SEMA3A: variants seen among roughly 807,000 people sequenced by gnomAD.
SEMA3A encodes the protein semaphorin 3A.
SEMA3A carries 29 observed loss-of-function variants against 97.9 expected under a neutral mutation model. That is an observed-to-expected ratio of 0.30 (90% CI 0.22 to 0.40). The LOEUF is 0.40. Ranked by LOEUF, SEMA3A falls within the 10% of genes least tolerant of loss-of-function variation. The pLI, the probability that SEMA3A is intolerant of heterozygous loss-of-function variation, is 1.00. For synonymous variants in SEMA3A, 321 were observed against 323.7 expected (o/e 0.99, Z 0.09); for missense variants, 763 against 951.3 (o/e 0.80, Z 2.60).
chr7:84,021,949 C>A (rs893712833), intron 6 of SEMA3A, among the ~76,000 whole-genome samples: 1 of 151,980 alleles, frequency 6.6e-6, no homozygotes, highest in Non-Finnish European at 1.5e-5. Context: ...AGATATTATA[C>A]AATGGCAGGT....
intron 1 of SEMA3A, among the ~76,000 whole-genome samples, chr7:84,186,745 A>G (rs1363038314): frequency 2.6e-5 from 4 of 151,412 alleles, no homozygotes; most frequent in Non-Finnish European, 4.4e-5. Context: ...TGTCACAATA[A>G]CTACATATTT....
At chr7:83,990,649 G>A (rs889467541) in intron 12 of SEMA3A, among the ~76,000 whole-genome samples, 2 of 145,288 alleles carry the variant, frequency 1.4e-5, no homozygotes, top group African/African-American at 5.1e-5. Flanking sequence ...CTCTATTTCT[G>A]AGGGCTCTGT....
rs17159050 is a variant in SEMA3A at position 84,465,249 on chromosome 7, C to T, written c.-246+27211G>A. Among the ~76,000 whole-genome samples, 2,115 of 152,222 alleles carry T rather than the reference C, an allele frequency of 0.014. 94 individuals carry two copies. The East Asian group carries it at 0.16, about 11-fold the overall frequency. On this transcript the variant is annotated intron_variant, in intron 1 of 3. Coordinates refer to the SEMA3A transcript ENST00000424555. Reference sequence around the variant, plus strand: ...AGTCCTAAATATTCTGTGGGAATAGCAGGATCTTCAAACTGGATAAGGATT... The same window carrying T: ...AGTCCTAAATATTCTGTGGGAATAGTAGGATCTTCAAACTGGATAAGGATT...
chr7:84,293,068 C>A (rs888888272), intron 3 of SEMA3A, among the ~76,000 whole-genome samples: 1 of 151,950 alleles, frequency 6.6e-6, no homozygotes, highest in African/African-American at 2.4e-5. Flanking sequence ...GGACAAAGCA[C>A]TAGTTATAAA....
intron 1 of SEMA3A, among the ~76,000 whole-genome samples, chr7:84,399,026 G>A (rs991603135): frequency 1.3e-5 from 2 of 152,050 alleles, no homozygotes; most frequent in African/African-American, 4.8e-5. Flanking sequence ...AAGAAAATAT[G>A]CATTGAATAG....
At chr7:84,024,285 A>AGCC (rs1791458477) in intron 6 of SEMA3A, among the ~76,000 whole-genome samples, 1 of 152,170 alleles carries the variant, frequency 6.6e-6, no homozygotes, top group Non-Finnish European at 1.5e-5. Context: ...CACGCCTGTA[A>AGCC]TCCCGGCACC....
intron 15 of SEMA3A, among the ~76,000 whole-genome samples, chr7:83,963,873 A>C (rs1788574101): frequency 6.6e-6 from 1 of 152,226 alleles, no homozygotes; most frequent in Non-Finnish European, 1.5e-5. Flanking sequence ...GGTAGAGTGC[A>C]GGAAGTTTAT....
intron 3 of SEMA3A, among the ~76,000 whole-genome samples, chr7:84,126,011 A>T (rs1188927554): frequency 2.0e-5 from 3 of 152,210 alleles, no homozygotes; most frequent in Non-Finnish European, 4.4e-5. Flanking sequence ...CAGTGGTCAT[A>T]ACCATTAAGG....
At chr7:84,154,399 C>T (rs192764413) in intron 1 of SEMA3A, among the ~76,000 whole-genome samples, 128 of 152,098 alleles carry the variant, frequency 8.4e-4, no homozygotes, top group African/African-American at 2.8e-3. Flanking sequence ...GTGATGACGC[C>T]GGGTACGATG....
chr7:84,151,455 G>A (rs975384671), intron 1 of SEMA3A, among the ~76,000 whole-genome samples: 3 of 151,856 alleles, frequency 2.0e-5, no homozygotes, highest in African/African-American at 7.3e-5. Context: ...AGAAGCCTCA[G>A]GAGCCGATGC....
intron 3 of SEMA3A, among the ~76,000 whole-genome samples, chr7:84,240,471 G>A (rs1440407773): frequency 6.6e-6 from 1 of 152,194 alleles, no homozygotes; most frequent in Non-Finnish European, 1.5e-5. Flanking sequence ...GAAGATGGAA[G>A]TAGAAAGAAA....
rs546490158 is a variant in SEMA3A, at chr7:84,052,842, G to T, written c.548-6399C>A. On this transcript the variant is annotated intron_variant, in intron 5 of 16. Coordinates refer to ENST00000265362, the MANE Select transcript of SEMA3A (RefSeq NM_006080.3). Reference sequence around the variant, plus strand: ...TTGGATCTTTCCTGCTTTCTCTTGTGGGCATTTAGTGCTATAAATTTCCCT... The same window carrying T: ...TTGGATCTTTCCTGCTTTCTCTTGTTGGCATTTAGTGCTATAAATTTCCCT... 4.6e-5 allele frequency among the ~76,000 whole-genome samples: 7 copies of T among 150,788 alleles called. 1 individual carries two copies. In the South Asian group the frequency reaches 1.5e-3, roughly 32 times the overall value.
chr7:84,153,905 A>C (rs946173060), intron 1 of SEMA3A, among the ~76,000 whole-genome samples: 5 of 152,234 alleles, frequency 3.3e-5, no homozygotes, highest in Admixed American at 6.5e-5. Context: ...GAAGAAAGCA[A>C]ACTTACATAT....
chr7:84,060,393 G>A (rs1459131666), intron 5 of SEMA3A, 72 bp downstream of exon 5: 2 of 896,968 alleles, frequency 2.2e-6, no homozygotes, highest in Non-Finnish European at 3.4e-6. Flanking sequence ...AATCTTGGTA[G>A]ATAAAAAAGA....
At chr7:84,069,365 ATACT>A (rs1458493023) in intron 4 of SEMA3A, among the ~76,000 whole-genome samples, 4 of 152,178 alleles carry the variant, frequency 2.6e-5, no homozygotes, top group Non-Finnish European at 4.4e-5. Context: ...TGTCTACAAA[ATACT>A]TAGTATGCCC....
At chr7:84,067,709 A>T (rs1210868782) in intron 4 of SEMA3A, among the ~76,000 whole-genome samples, 1 of 151,872 alleles carries the variant, frequency 6.6e-6, no homozygotes, top group Non-Finnish European at 1.5e-5. Flanking sequence ...AATGCAAATC[A>T]AAACCACAAT....
At chr7:84,308,158 C>G (rs1801211665) in intron 2 of SEMA3A, among the ~76,000 whole-genome samples, 2 of 151,878 alleles carry the variant, frequency 1.3e-5, no homozygotes, top group Admixed American at 1.3e-4. Context: ...TCTTACTGTA[C>G]TATTTTGGGA....
chr7:84,001,142 A>G (rs1769081063), intron 12 of SEMA3A, among the ~76,000 whole-genome samples: 1 of 152,100 alleles, frequency 6.6e-6, no homozygotes, highest in Non-Finnish European at 1.5e-5. Context: ...TTCAAATAAC[A>G]CATTTACAGG....
intron 1 of SEMA3A, among the ~76,000 whole-genome samples, chr7:84,153,208 C>T (rs987242917): frequency 1.3e-5 from 2 of 152,100 alleles, no homozygotes; most frequent in African/African-American, 4.8e-5. Context: ...CTATGAAAGT[C>T]TTGATTCAGG....
Sources: allele counts gnomAD v4.1 joint callset (sites outside exome capture counted in the v4.1 genomes callset), GRCh38; gene constraint gnomAD v4.1.1; transcripts MANE v1.5; gene names NCBI Gene and HGNC (gene_info 2026-07-23, HGNC 2026-07-21).